The following BMERB1 variants were observed in gnomAD, a reference collection of about 807,000 sequenced individuals.
BMERB1 encodes the protein bMERB domain containing 1.
BMERB1 carries 12 observed loss-of-function variants against 23.6 expected under a neutral mutation model. The ratio of observed to expected loss-of-function variants is 0.51; its 90% CI spans 0.33 to 0.82. The LOEUF (loss-of-function observed/expected upper bound fraction) is 0.82, where lower values mean the gene tolerates loss of function less well. Ranked by LOEUF, BMERB1 falls within the 40% of genes least tolerant of loss-of-function variation. The probability of loss-of-function intolerance (pLI) is 0.03; values close to 1 mark genes in which losing one functional copy is unlikely to be tolerated. For missense variants in BMERB1, 247 were observed against 255.4 expected (o/e 0.97, Z 0.22); for synonymous variants, 122 against 96.6 (o/e 1.26, Z -1.54).
intron 1 of BMERB1, among the ~76,000 whole-genome samples, chr16:15,463,556 G>A (rs536405064): frequency 4.6e-4 from 70 of 152,234 alleles, no homozygotes; most frequent in Non-Finnish European, 7.6e-4. Flanking sequence ...CCCTTGCCTC[G>A]TCGTTTGACT....
chr16:15,565,969 A>C (rs991165272), intron 2 of BMERB1, among the ~76,000 whole-genome samples: 3 of 152,244 alleles, frequency 2.0e-5, no homozygotes, highest in African/African-American at 7.2e-5. Context: ...CTTTGTACAC[A>C]GTGATTCCAC....
At chr16:15,514,009 G>T (rs1395798058) in intron 1 of BMERB1, among the ~76,000 whole-genome samples, 1 of 152,012 alleles carries the variant, frequency 6.6e-6, no homozygotes, top group Non-Finnish European at 1.5e-5. Flanking sequence ...GTATGCTCAC[G>T]CTTGTAATCC....
chr16:15,563,410 G>A (rs769655174), intron 2 of BMERB1, among the ~76,000 whole-genome samples: 9 of 151,824 alleles, frequency 5.9e-5, no homozygotes, highest in East Asian at 1.9e-4. Context: ...TAGTAGAGAC[G>A]GGGTTTCACC....
chr16:15,538,150 T>G (rs2052043215), intron 2 of BMERB1, among the ~76,000 whole-genome samples: 1 of 152,006 alleles, frequency 6.6e-6, no homozygotes. Flanking sequence ...CTATACCAGG[T>G]CATTAAAAAG....
chr16:15,563,392 C>T (rs992001142), intron 2 of BMERB1, among the ~76,000 whole-genome samples: 14 of 151,916 alleles, frequency 9.2e-5, no homozygotes, highest in Middle Eastern at 3.4e-3. Context: ...GCTAATTTTT[C>T]GTATTTTTAG....
chr16:15,548,291 T>C (rs1269738429), intron 2 of BMERB1, among the ~76,000 whole-genome samples: 2 of 152,186 alleles, frequency 1.3e-5, no homozygotes, highest in Non-Finnish European at 2.9e-5. Context: ...GCCCTGTGCG[T>C]GGTGAATTCC....
At chr16:15,575,682 A>C (rs1470022422) in intron 3 of BMERB1, among the ~76,000 whole-genome samples, 1 of 152,164 alleles carries the variant, frequency 6.6e-6, no homozygotes, top group African/African-American at 2.4e-5. Flanking sequence ...GCCTGAGCAT[A>C]GGGGCTCAGG....
chr16:15,583,098 T>C (rs2031056086), intron 4 of BMERB1, 58 bp from the exon 5 acceptor site: 2 of 1,338,922 alleles, frequency 1.5e-6, no homozygotes, highest in Admixed American at 3.4e-5. Context: ...CATTGGTTCC[T>C]TGATGCTTTC....
intron 1 of BMERB1, among the ~76,000 whole-genome samples, chr16:15,451,198 T>A (rs1198059586): frequency 6.6e-6 from 1 of 152,214 alleles, no homozygotes; most frequent in African/African-American, 2.4e-5. Flanking sequence ...GTTCGTTTTC[T>A]GAGACAGAGT....
At chr16:15,576,782 C>T (rs1460017319) in intron 3 of BMERB1, among the ~76,000 whole-genome samples, 2 of 151,820 alleles carry the variant, frequency 1.3e-5, no homozygotes, top group Admixed American at 1.3e-4. Flanking sequence ...GGGTAAATAC[C>T]CAAGGTTCGT....
intron 1 of BMERB1, among the ~76,000 whole-genome samples, chr16:15,472,459 C>T (rs941317473): frequency 1.3e-5 from 2 of 152,114 alleles, no homozygotes; most frequent in African/African-American, 4.8e-5. Context: ...CACAGGATTG[C>T]TATGTCTTCT....
intron 3 of BMERB1, among the ~76,000 whole-genome samples, chr16:15,574,014 C>T (rs944581935): frequency 3.4e-5 from 5 of 147,918 alleles, no homozygotes; most frequent in African/African-American, 1.3e-4. Flanking sequence ...AGTCCATTTT[C>T]ACACTGCTGT....
At position 15,583,245 on chromosome 16, in the gene BMERB1, A is replaced by G; in HGVS notation, c.502+7A>G. On this transcript the variant is annotated splice_region_variant and intron_variant, in intron 5 of 5. Coordinates refer to ENST00000300006, the MANE Select transcript of BMERB1 (RefSeq NM_033201.3). ...GTAACCAAATCTCCAGCCAGTGAGT[A>G]TATACATTATTCATTCCCCTCCCCC... The G allele has an allele frequency of 6.3e-7, 1 of 1,585,786 alleles. No homozygotes were observed. Among genetic ancestry groups the G allele is most frequent in the Non-Finnish European group, 8.7e-7 (1 of 1,154,310 alleles).
chr16:15,443,855 G>C (rs189092710), intron 1 of BMERB1, among the ~76,000 whole-genome samples: 5 of 152,032 alleles, frequency 3.3e-5, no homozygotes, highest in Admixed American at 2.0e-4. Flanking sequence ...GGAGGTAGAG[G>C]TTGCAGAGAT....
At position 15,494,318 on chromosome 16, in the gene BMERB1, A is replaced by C. The variant is rs904134570; in HGVS notation, c.107-20987A>C. On this transcript the variant is annotated intron_variant, in intron 1 of 5. Coordinates refer to ENST00000300006, the MANE Select transcript of BMERB1 (RefSeq NM_033201.3). Reference sequence around the variant, plus strand: ...TACTTTATTCTCTCATATGGTCCCAAAGGGCCTTAGAAAGCAATCGGAGCC... The same window carrying C: ...TACTTTATTCTCTCATATGGTCCCACAGGGCCTTAGAAAGCAATCGGAGCC... 2.6e-5 allele frequency among the ~76,000 whole-genome samples: 4 copies of C among 152,262 alleles called. No individual in the cohort carries two copies. In the East Asian group the frequency reaches 7.7e-4, roughly 29 times the overall value.
At chr16:15,535,519 G>A (rs2052016283) in intron 2 of BMERB1, among the ~76,000 whole-genome samples, 1 of 151,896 alleles carries the variant, frequency 6.6e-6, no homozygotes, top group African/African-American at 2.4e-5. Flanking sequence ...CTACAGTGGT[G>A]TGTCCCTGTA....
At chr16:15,480,619 T>C (rs1310846176) in intron 1 of BMERB1, among the ~76,000 whole-genome samples, 4 of 131,210 alleles carry the variant, frequency 3.0e-5, no homozygotes, top group African/African-American at 8.5e-5. Context: ...TTTTTTTTTT[T>C]TTTTTTTTTT....
At chr16:15,548,711 G>A (rs548598146) in intron 2 of BMERB1, among the ~76,000 whole-genome samples, 3 of 152,156 alleles carry the variant, frequency 2.0e-5, no homozygotes, top group Admixed American at 6.5e-5. Context: ...CCAGGGTCTC[G>A]CTTGCCTACA....
intron 1 of BMERB1, among the ~76,000 whole-genome samples, chr16:15,482,789 A>C (rs1408139241): frequency 1.3e-5 from 2 of 152,204 alleles, no homozygotes; most frequent in Admixed American, 6.5e-5. Flanking sequence ...ACATGTACAT[A>C]ATAATTGTTG....
Sources: gnomAD v4.1 joint callset for allele counts (sites outside exome capture counted in the v4.1 genomes callset) on GRCh38, gnomAD v4.1.1 for gene constraint, MANE v1.5 for transcripts, NCBI Gene and HGNC (gene_info 2026-07-23, HGNC 2026-07-21) for gene names.